CLSTN2: variants seen among roughly 807,000 people sequenced by gnomAD.
CLSTN2 encodes the protein calsyntenin-2.
In CLSTN2, 48 loss-of-function variants were observed where a neutral mutation model predicts 101.2. That is an observed-to-expected ratio of 0.47 (90% CI 0.38 to 0.60). CLSTN2 has a LOEUF of 0.60. Ranked by LOEUF, CLSTN2 falls within the 20% of genes least tolerant of loss-of-function variation. The probability of loss-of-function intolerance (pLI) is 0.00; values close to 1 mark genes in which losing one functional copy is unlikely to be tolerated. For missense variants in CLSTN2, 1,160 were observed against 1,238.2 expected (o/e 0.94, Z 0.95); for synonymous variants, 481 against 463.6 (o/e 1.04, Z -0.48).
At chr3:140,561,899 C>T (rs530634013) in intron 12 of CLSTN2, among the ~76,000 whole-genome samples, 2 of 152,186 alleles carry the variant, frequency 1.3e-5, no homozygotes, top group African/African-American at 4.8e-5. Context: ...TCAAATCACA[C>T]CTTTTGGCTA....
intron 8 of CLSTN2, among the ~76,000 whole-genome samples, chr3:140,483,027 G>A (rs571247221): frequency 2.6e-5 from 4 of 152,034 alleles, no homozygotes; most frequent in Non-Finnish European, 4.4e-5. Context: ...TCTTTTAATT[G>A]TGATGTTAGG....
rs73226952 is a variant in CLSTN2, at chr3:140,147,701, C to T, written c.110-28250C>T. ...GCTTTCTCTGCACCAGACTAGATCC[C>T]GGGATTACAGAAATGATTTGCACAG... On this transcript the variant is annotated intron_variant, in intron 1 of 16. Coordinates refer to ENST00000458420, the MANE Select transcript of CLSTN2 (RefSeq NM_022131.3). Among the ~76,000 whole-genome samples the T allele has an allele frequency of 2.0e-3, 308 of 152,264 alleles. 2 individuals carry two copies. The highest frequency in any genetic ancestry group is 5.9e-3 in the African/African-American group (246 of 41,548).
At chr3:140,251,508 C>T (rs1237866000) in intron 2 of CLSTN2, among the ~76,000 whole-genome samples, 1 of 152,050 alleles carries the variant, frequency 6.6e-6, no homozygotes. Flanking sequence ...TTATCTTTAG[C>T]CTGGCATTTG....
chr3:140,435,237 G>T (rs1044841317), intron 5 of CLSTN2, among the ~76,000 whole-genome samples: 1 of 151,704 alleles, frequency 6.6e-6, no homozygotes, highest in Non-Finnish European at 1.5e-5. Context: ...TCAGCCTTTA[G>T]TAACCATCCT....
intron 2 of CLSTN2, among the ~76,000 whole-genome samples, chr3:140,270,925 G>A (rs556284256): frequency 6.6e-6 from 1 of 152,194 alleles, no homozygotes; most frequent in Non-Finnish European, 1.5e-5. Context: ...CTGGGAAGGT[G>A]TCTGCATTTG....
chr3:140,132,267 AT>A (rs907509898), intron 1 of CLSTN2, among the ~76,000 whole-genome samples: 6 of 152,102 alleles, frequency 3.9e-5, no homozygotes, highest in African/African-American at 1.4e-4. Flanking sequence ...TTAAATAATT[AT>A]TTTTTTGTGT....
chr3:140,426,124 GTTTAA>G (rs2088562832), intron 5 of CLSTN2, among the ~76,000 whole-genome samples: 1 of 152,152 alleles, frequency 6.6e-6, no homozygotes. Flanking sequence ...TCTTTTTAAA[GTTTAA>G]TTTAATTTTA....
intron 4 of CLSTN2, among the ~76,000 whole-genome samples, chr3:140,408,704 GC>G (rs1467335723): frequency 6.6e-6 from 1 of 152,136 alleles, no homozygotes; most frequent in Admixed American, 6.5e-5. Flanking sequence ...CTTAGCTGCT[GC>G]CGTTGTAGAC....
chr3:140,557,299 G>A (rs571071463), intron 11 of CLSTN2, among the ~76,000 whole-genome samples: 2 of 152,296 alleles, frequency 1.3e-5, no homozygotes, highest in South Asian at 2.1e-4. Flanking sequence ...GAAGGACTCA[G>A]AAAGAGAGGA....
intron 8 of CLSTN2, 118 bp from the exon 9 acceptor site, chr3:140,532,206 C>T: frequency 1.5e-6 from 1 of 687,820 alleles, no homozygotes; most frequent in East Asian, 2.7e-5. Flanking sequence ...TCCTTGAGTG[C>T]TTTGCAATAA....
chr3:139,989,458 G>A (rs1327779297), intron 1 of CLSTN2, among the ~76,000 whole-genome samples: 1 of 152,066 alleles, frequency 6.6e-6, no homozygotes, highest in Non-Finnish European at 1.5e-5. Flanking sequence ...CACACGGCTT[G>A]TGCCTCTTAC....
At chr3:139,958,611 G>T (rs1187533408) in intron 1 of CLSTN2, among the ~76,000 whole-genome samples, 1 of 151,716 alleles carries the variant, frequency 6.6e-6, no homozygotes, top group Non-Finnish European at 1.5e-5. Context: ...GATCAACTGG[G>T]AACCTGCAGA....
chr3:140,148,113 G>T (rs750751081), intron 1 of CLSTN2, among the ~76,000 whole-genome samples: 4 of 152,224 alleles, frequency 2.6e-5, no homozygotes, highest in Admixed American at 6.5e-5. Flanking sequence ...TACTGTTCAC[G>T]CAATTGCTCC....
At chr3:140,406,944 T>A (rs2088310703) in intron 4 of CLSTN2, among the ~76,000 whole-genome samples, 1 of 152,248 alleles carries the variant, frequency 6.6e-6, no homozygotes, top group African/African-American at 2.4e-5. Flanking sequence ...TTTGCTAACA[T>A]ATGCCAATTT....
At chr3:140,393,053 T>C (rs2088136377) in intron 2 of CLSTN2, among the ~76,000 whole-genome samples, 1 of 152,114 alleles carries the variant, frequency 6.6e-6, no homozygotes, top group Non-Finnish European at 1.5e-5. Context: ...TGCTAACTCA[T>C]TAATCCATGA....
intron 2 of CLSTN2, among the ~76,000 whole-genome samples, chr3:140,195,274 G>C (rs1348816670): frequency 6.6e-6 from 1 of 152,038 alleles, no homozygotes; most frequent in Admixed American, 6.6e-5. Context: ...GGTATTTTTT[G>C]GTTTCTCTTT....
At chr3:140,539,904 C>T (rs78161917) in intron 9 of CLSTN2, among the ~76,000 whole-genome samples, 12,073 of 152,184 alleles carry the variant, frequency 0.079, 496 homozygotes, top group African/African-American at 0.11. Context: ...CAGAGGATTC[C>T]GGATTTACCC....
At position 140,404,599 on chromosome 3, in the gene CLSTN2, C is replaced by T. The variant is rs137984856; in HGVS notation, c.470C>T (p.Ala157Val). Residue 157 changes from alanine to valine, a missense_variant, in exon 4 of 17, where the codon GCT becomes GTT. By Grantham distance (64) the Ala-to-Val change is moderately conservative. Transcript: ENST00000458420. ...CAGGTGAAGGATGTCAACGAGTTTG[C>T]TCCCACCTTCAAAGAGCCAGCCTAC... is the stretch of plus-strand genomic sequence containing the variant. ...HIQVKDVNEF[A>V]PTFKEPAYKA... The T allele has an allele frequency of 6.2e-7, 1 of 1,614,184 alleles. No homozygotes were observed. Among genetic ancestry groups the T allele is most frequent in the Non-Finnish European group, 8.5e-7 (1 of 1,180,026 alleles).
intron 1 of CLSTN2, among the ~76,000 whole-genome samples, chr3:139,970,796 GA>G (rs537080683): frequency 4.3e-4 from 65 of 152,284 alleles, no homozygotes; most frequent in Non-Finnish European, 7.5e-4. Flanking sequence ...CATAAGTCAT[GA>G]CAGGACAGTG....
Sources: gnomAD v4.1 joint callset for allele counts (sites outside exome capture counted in the v4.1 genomes callset) on GRCh38, gnomAD v4.1.1 for gene constraint, MANE v1.5 for transcripts, NCBI Gene and HGNC (gene_info 2026-07-23, HGNC 2026-07-21) for gene names.